Variants in GLRA3 observed in about 807,000 individuals in gnomAD.
The protein encoded by GLRA3 is glycine receptor subunit alpha-3.
GLRA3 carries 44 observed loss-of-function variants against 60.4 expected under a neutral mutation model. The ratio of observed to expected loss-of-function variants is 0.73; its 90% CI spans 0.57 to 0.94. The LOEUF (loss-of-function observed/expected upper bound fraction) is 0.94. Among genes scored for constraint, GLRA3 ranks in the 40% least tolerant of loss-of-function variants. The pLI, the probability that GLRA3 is intolerant of heterozygous loss-of-function variation, is 0.00. For synonymous variants in GLRA3, 223 were observed against 192.9 expected (o/e 1.16, Z -1.29); for missense variants, 508 against 564.6 (o/e 0.90, Z 1.02).
chr4:174,680,777 C>T (rs1276345086), intron 6 of GLRA3, among the ~76,000 whole-genome samples: 2 of 152,136 alleles, frequency 1.3e-5, no homozygotes, highest in Non-Finnish European at 2.9e-5. Flanking sequence ...TAATTTTGTG[C>T]AATTAATTTG....
intron 1 of GLRA3, among the ~76,000 whole-genome samples, chr4:174,793,135 A>G (rs945925627): frequency 2.6e-5 from 4 of 152,186 alleles, no homozygotes; most frequent in Non-Finnish European, 5.9e-5. Context: ...TTGCTTTCAT[A>G]AAGAAGAGAA....
At chr4:174,790,390 TA>T (rs369596370) in intron 1 of GLRA3, among the ~76,000 whole-genome samples, 2 of 151,696 alleles carry the variant, frequency 1.3e-5, no homozygotes, top group African/African-American at 2.4e-5. Context: ...TATATTTTTT[TA>T]AAAAAACCTA....
At chr4:174,776,770 CATAA>C (rs1436135399) in intron 2 of GLRA3, among the ~76,000 whole-genome samples, 1 of 152,078 alleles carries the variant, frequency 6.6e-6, no homozygotes, top group African/African-American at 2.4e-5. Context: ...TTACTATTGT[CATAA>C]ATAAAACTGA....
intron 1 of GLRA3, among the ~76,000 whole-genome samples, chr4:174,824,472 T>C (rs921718658): frequency 6.6e-6 from 1 of 152,308 alleles, no homozygotes; most frequent in African/African-American, 2.4e-5. Context: ...ATTACTTCTT[T>C]CTAAATTTTA....
intron 3 of GLRA3, among the ~76,000 whole-genome samples, chr4:174,747,085 T>C (rs1013267058): frequency 6.6e-6 from 1 of 152,208 alleles, no homozygotes; most frequent in African/African-American, 2.4e-5. Context: ...TGGATCCTTC[T>C]ATTATTGGTC....
chr4:174,781,410 A>G (rs1340047746), intron 2 of GLRA3, among the ~76,000 whole-genome samples: 2 of 147,504 alleles, frequency 1.4e-5, no homozygotes, highest in African/African-American at 2.5e-5. Context: ...AAGAACTAGA[A>G]AAGCAAGAGC....
In GLRA3 at chr4:174,683,638, C is replaced by T. The variant is rs192107093; in HGVS notation, c.575-699G>A. 2.0e-3 allele frequency among the ~76,000 whole-genome samples: 311 copies of T among 152,208 alleles called. 1 individual carries two copies. Among genetic ancestry groups the T allele is most frequent in the African/African-American group, 5.6e-3 (232 of 41,546 alleles). On this transcript the variant is annotated intron_variant, in intron 5 of 9. Transcript: ENST00000274093. ...TGCTGGGATTACAGGCGTCAGCCAC[C>T]GCGCCCAGACAGAAAAATGACTTAA...
intron 3 of GLRA3, among the ~76,000 whole-genome samples, chr4:174,748,382 A>T (rs1158412440): frequency 6.6e-6 from 1 of 152,210 alleles, no homozygotes; most frequent in Non-Finnish European, 1.5e-5. Flanking sequence ...GAGGAATAGC[A>T]TCAGGTACAA....
At chr4:174,685,115 G>A (rs1183909841) in intron 5 of GLRA3, among the ~76,000 whole-genome samples, 1 of 152,214 alleles carries the variant, frequency 6.6e-6, no homozygotes, top group African/African-American at 2.4e-5. Flanking sequence ...AAACAAGCTT[G>A]TATTGTAGAG....
At chr4:174,807,079 A>G (rs1426783294) in intron 1 of GLRA3, among the ~76,000 whole-genome samples, 1 of 152,088 alleles carries the variant, frequency 6.6e-6, no homozygotes, top group Non-Finnish European at 1.5e-5. Flanking sequence ...TATCTTGAAT[A>G]GGATGCTTGA....
chr4:174,824,147 C>T (rs1740862474), intron 1 of GLRA3, among the ~76,000 whole-genome samples: 1 of 152,168 alleles, frequency 6.6e-6, no homozygotes, highest in African/African-American at 2.4e-5. Flanking sequence ...CCTCAAAATA[C>T]CCCGAACCAA....
intron 3 of GLRA3, among the ~76,000 whole-genome samples, chr4:174,732,345 C>T (rs1374380799): frequency 2.0e-5 from 3 of 148,620 alleles, no homozygotes; most frequent in Non-Finnish European, 4.4e-5. Context: ...CAGAGCGAGA[C>T]TCCGACTCAA....
At position 174,643,309 on chromosome 4, in the gene GLRA3, G is replaced by A. The variant is rs776873583; in HGVS notation, c.*477C>T. 3.3e-6 allele frequency: 2 copies of A among 612,628 alleles called. No homozygotes were observed. The highest frequency in any genetic ancestry group is 3.8e-6 in the Non-Finnish European group (2 of 521,706). 37.9% of individuals were successfully genotyped at this position (612,628 alleles called of 1,614,324 possible). Reference sequence around the variant, plus strand: ...TATATGTACAATCCTCCATTAATATGAGTGAATTTCCCACTGTAACTAATT... The same window carrying A: ...TATATGTACAATCCTCCATTAATATAAGTGAATTTCCCACTGTAACTAATT... On this transcript the variant is annotated 3_prime_UTR_variant, in exon 10 of 10. Coordinates refer to ENST00000274093, the MANE Select transcript of GLRA3 (RefSeq NM_006529.4).
intron 3 of GLRA3, among the ~76,000 whole-genome samples, chr4:174,740,616 G>A (rs1039226237): frequency 1.3e-5 from 2 of 152,186 alleles, no homozygotes; most frequent in Non-Finnish European, 2.9e-5. Context: ...TATTGTTGAT[G>A]TTCCTGCTTT....
At chr4:174,790,921 G>A (rs1017690899) in intron 1 of GLRA3, among the ~76,000 whole-genome samples, 2 of 149,944 alleles carry the variant, frequency 1.3e-5, no homozygotes, top group South Asian at 2.1e-4. Context: ...GGAGAATGGC[G>A]TGAACCTGGG....
At position 174,728,560 on chromosome 4, in the gene GLRA3, C is replaced by T. The variant is rs1392174613; in HGVS notation, c.406G>A (p.Glu136Lys). 1 of 1,613,502 alleles carries T rather than the reference C, an allele frequency of 6.2e-7. No homozygotes were observed. Among genetic ancestry groups the T allele is most frequent in the South Asian group, 1.1e-5 (1 of 91,074 alleles). ...ACTTCATGAAAGTTGGCACCCTTTT[C>T]ATTGGCAAAGAACAAATCAGGTTTC... The part of the protein sequence containing the change: ...IWKPDLFFAN[E>K]KGANFHEVTT... The change falls in exon 4 of 10, where the codon GAA (glutamate) becomes AAA (lysine). Residue 136 changes from glutamate to lysine, a missense_variant. By Grantham distance (56) the Glu-to-Lys change is moderately conservative. This residue lies in a region of GLRA3 where 329 missense variants were observed against 349.3 expected (regional missense o/e 0.94). Transcript: ENST00000274093.
intron 5 of GLRA3, among the ~76,000 whole-genome samples, chr4:174,698,427 A>T (rs1735152955): frequency 6.6e-6 from 1 of 152,082 alleles, no homozygotes; most frequent in Non-Finnish European, 1.5e-5. Flanking sequence ...GGGCTCAAGA[A>T]ATCCTCCCAC....
At chr4:174,811,876 A>T (rs1740288947) in intron 1 of GLRA3, among the ~76,000 whole-genome samples, 1 of 152,148 alleles carries the variant, frequency 6.6e-6, no homozygotes, top group Non-Finnish European at 1.5e-5. Context: ...TTTCAGGTAC[A>T]TTTTTCTAGT....
At chr4:174,733,281 G>C (rs567792309) in intron 3 of GLRA3, among the ~76,000 whole-genome samples, 1 of 152,228 alleles carries the variant, frequency 6.6e-6, no homozygotes, top group South Asian at 2.1e-4. Context: ...ATTTAGTCTG[G>C]CAAAACACAC....
Sources: allele counts gnomAD v4.1 joint callset (sites outside exome capture counted in the v4.1 genomes callset), GRCh38; gene constraint gnomAD v4.1.1; regional missense constraint gnomAD v4.1.1; transcripts MANE v1.5; gene names NCBI Gene and HGNC (gene_info 2026-07-23, HGNC 2026-07-21).